Variants in ADARB2 observed in about 807,000 individuals in gnomAD.
ADARB2 encodes the protein adenosine deaminase RNA specific B2 (inactive), also known as inactive double-stranded RNA-specific editase B2.
ADARB2 carries 25 observed loss-of-function variants against 62.2 expected under a neutral mutation model. The observed-to-expected ratio is 0.40, with a 90% confidence interval of 0.29 to 0.56. The LOEUF (loss-of-function observed/expected upper bound fraction) is 0.56. Ranked by LOEUF, ADARB2 falls within the 20% of genes least tolerant of loss-of-function variation. ADARB2 has a pLI of 0.43. For synonymous variants in ADARB2, 572 were observed against 500.8 expected, an observed-to-expected ratio of 1.14 and a Z score of -1.90; for missense variants, 1,071 against 1,077.4, an observed-to-expected ratio of 0.99 and a Z score of 0.08.
intron 1 of ADARB2, among the ~76,000 whole-genome samples, chr10:1,471,559 T>C (rs988601445): frequency 6.6e-6 from 1 of 151,798 alleles, no homozygotes; most frequent in Non-Finnish European, 1.5e-5. Flanking sequence ...CCTGGCTAAT[T>C]TTTTTGTATT....
At chr10:1,219,821 G>A (rs1173613040) in intron 6 of ADARB2, among the ~76,000 whole-genome samples, 2 of 150,334 alleles carry the variant, frequency 1.3e-5, no homozygotes, top group Non-Finnish European at 3.0e-5. Context: ...TGATGGTGAT[G>A]GTAATGATGG....
At chr10:1,453,500 C>T (rs1029731733) in intron 1 of ADARB2, among the ~76,000 whole-genome samples, 3 of 152,064 alleles carry the variant, frequency 2.0e-5, no homozygotes, top group African/African-American at 4.8e-5. Context: ...TTTCTTAGCA[C>T]TGTTTCTTGA....
intron 1 of ADARB2, among the ~76,000 whole-genome samples, chr10:1,492,861 C>T (rs945314083): frequency 3.9e-5 from 6 of 152,028 alleles, no homozygotes; most frequent in Admixed American, 1.3e-4. Flanking sequence ...GGACTTCATG[C>T]CAAGTACCAT....
chr10:1,542,117 C>T (rs376796028), intron 1 of ADARB2, among the ~76,000 whole-genome samples: 26 of 29,622 alleles, frequency 8.8e-4, no homozygotes, highest in African/African-American at 1.7e-3. Flanking sequence ...CACTCAGACG[C>T]AGTTCAGACC....
chr10:1,252,081 A>G (rs1220792244), intron 4 of ADARB2, among the ~76,000 whole-genome samples: 1 of 152,182 alleles, frequency 6.6e-6, no homozygotes, highest in African/African-American at 2.4e-5. Context: ...CCATCTCTAG[A>G]CAATGTCTGG....
At chr10:1,513,427 G>A (rs1831964187) in intron 1 of ADARB2, among the ~76,000 whole-genome samples, 1 of 152,226 alleles carries the variant, frequency 6.6e-6, no homozygotes, top group Non-Finnish European at 1.5e-5. Context: ...GGGCACTCTG[G>A]AGTGTGTGGC....
intron 1 of ADARB2, among the ~76,000 whole-genome samples, chr10:1,432,016 A>G (rs1830781389): frequency 6.6e-6 from 1 of 152,188 alleles, no homozygotes; most frequent in Non-Finnish European, 1.5e-5. Context: ...TCAGGCACCC[A>G]CTTCTGCTTT....
At position 1,521,011 on chromosome 10, in the gene ADARB2, T is replaced by C. The variant is rs187973169; in HGVS notation, c.101-141851A>G. On this transcript the variant is annotated intron_variant, in intron 1 of 9. Transcript: ENST00000381312. ...GGTTAGTCTAGGTCCAGCCCCACTGTCATCCTGAAGTTTTCTTCTTTGAGT... is the reference window on the plus strand; with the variant it reads ...GGTTAGTCTAGGTCCAGCCCCACTGCCATCCTGAAGTTTTCTTCTTTGAGT... 1.2e-3 allele frequency among the ~76,000 whole-genome samples: 187 copies of C among 152,332 alleles called. 4 individuals carry two copies. The highest frequency in any genetic ancestry group is 1.7e-3 in the Admixed American group (26 of 15,308).
chr10:1,197,070 T>G (rs982002952), intron 8 of ADARB2, among the ~76,000 whole-genome samples: 1 of 152,282 alleles, frequency 6.6e-6, no homozygotes, highest in African/African-American at 2.4e-5. Flanking sequence ...TGTAAAAATT[T>G]TGTAGGTTAC....
intron 1 of ADARB2, among the ~76,000 whole-genome samples, chr10:1,526,350 G>A (rs935536269): frequency 6.6e-6 from 1 of 151,996 alleles, no homozygotes; most frequent in Non-Finnish European, 1.5e-5. Flanking sequence ...CTTAAGAGTG[G>A]CACAGTCAGT....
rs1564318367 is a variant in ADARB2 at position 1,529,074 on chromosome 10, C to CGCA, written c.101-149915_101-149914insTGC. 2.9e-3 allele frequency among the ~76,000 whole-genome samples: 409 copies of CGCA among 139,896 alleles called. 111 individuals are homozygous for CGCA. The highest frequency in any genetic ancestry group is 0.012 in the East Asian group (49 of 3,978). 91.8% of individuals were successfully genotyped at this position (139,896 alleles called of 152,430 possible). On this transcript the variant is annotated intron_variant, in intron 1 of 9. Coordinates refer to ENST00000381312, the MANE Select transcript of ADARB2 (RefSeq NM_018702.4). Reference sequence around the variant, plus strand: ...CCCAACAAATCCTCCAATCAGTCCACCCACCATGCCCAACACCAATCCTCC... The same window carrying CGCA: ...CCCAACAAATCCTCCAATCAGTCCACGCACCACCATGCCCAACACCAATCCTCC...
At chr10:1,554,990 T>G (rs1441236712) in intron 1 of ADARB2, among the ~76,000 whole-genome samples, 3 of 152,202 alleles carry the variant, frequency 2.0e-5, no homozygotes, top group African/African-American at 4.8e-5. Context: ...GTTTTTCTGT[T>G]TCTGCATTAA....
chr10:1,263,907 G>C (rs1312006903), intron 4 of ADARB2, among the ~76,000 whole-genome samples: 1 of 152,182 alleles, frequency 6.6e-6, no homozygotes, highest in Non-Finnish European at 1.5e-5. Flanking sequence ...CCATTTTGAG[G>C]AGGGATGTTT....
rs78753290 is a variant in ADARB2, at chr10:1,594,889, C to G, written c.100+142162G>C. Among the ~76,000 whole-genome samples, 308 of 152,240 alleles carry G rather than the reference C, an allele frequency of 2.0e-3. 1 individual carries two copies. The highest frequency in any genetic ancestry group is 7.1e-3 in the African/African-American group (293 of 41,538). On this transcript the variant is annotated intron_variant, in intron 1 of 9. Transcript: ENST00000381312. The stretch of plus-strand genomic sequence containing the variant: ...GCAAGGCTTGAAGATGTGTGGCATA[C>G]CTGTGGTGGGGTGCCATCCACGCAT...
chr10:1,288,221 G>A (rs1448094170), intron 3 of ADARB2, among the ~76,000 whole-genome samples: 4 of 152,182 alleles, frequency 2.6e-5, no homozygotes, highest in African/African-American at 4.8e-5. Context: ...CTGTCCCTCG[G>A]GGAAAAGAAT....
intron 1 of ADARB2, among the ~76,000 whole-genome samples, chr10:1,663,685 T>C (rs4880906): frequency 0.24 from 36,602 of 151,838 alleles, 4,523 homozygotes; most frequent in East Asian, 0.32. Flanking sequence ...AGTGACGTGA[T>C]CTCGGCTCAC....
intron 1 of ADARB2, among the ~76,000 whole-genome samples, chr10:1,682,176 C>T (rs1834545440): frequency 6.6e-6 from 1 of 152,160 alleles, no homozygotes; most frequent in South Asian, 2.1e-4. Context: ...TGAATGAGAG[C>T]TCCACAAAGA....
rs1364673684 is a variant in ADARB2, at chr10:1,206,307, G to C, written c.1683-6160C>G. Among the ~76,000 whole-genome samples the C allele has an allele frequency of 1.7e-4, 26 of 152,164 alleles. 2 individuals carry two copies. The highest frequency in any genetic ancestry group is 1.7e-3 in the Admixed American group (26 of 15,282). On this transcript the variant is annotated intron_variant, in intron 7 of 9. Transcript: ENST00000381312. ...TGCGCGGGGGCCACGCTCTCCCACTGGGAGGATGGTTTCTGGGACATGCGG... is the reference window on the plus strand; with the variant it reads ...TGCGCGGGGGCCACGCTCTCCCACTCGGAGGATGGTTTCTGGGACATGCGG...
At chr10:1,330,175 C>T (rs1169548836) in intron 3 of ADARB2, among the ~76,000 whole-genome samples, 1 of 152,036 alleles carries the variant, frequency 6.6e-6, no homozygotes, top group East Asian at 1.9e-4. Context: ...GTCGATTCAG[C>T]CATGGGCCGT....
Sources: gnomAD v4.1 joint callset for allele counts (sites outside exome capture counted in the v4.1 genomes callset) on GRCh38, gnomAD v4.1.1 for gene constraint, MANE v1.5 for transcripts, NCBI Gene and HGNC (gene_info 2026-07-23, HGNC 2026-07-21) for gene names.